Variants in KIF20A observed in about 807,000 individuals in gnomAD.
KIF20A encodes the protein kinesin family member 20A.
KIF20A carries 66 observed loss-of-function variants against 113.0 expected under a neutral mutation model. The observed-to-expected ratio is 0.58, with a 90% CI of 0.48 to 0.72. The LOEUF is 0.72. Among genes scored for constraint, KIF20A ranks in the 30% least tolerant of loss-of-function variants. The probability of loss-of-function intolerance (pLI) is 0.00; values close to 1 mark genes in which losing one functional copy is unlikely to be tolerated. For synonymous variants in KIF20A, 376 were observed against 402.3 expected (o/e 0.93, Z 0.78); for missense variants, 927 against 1,077.6 (o/e 0.86, Z 1.96).
rs367612363 is a variant in KIF20A, at chr5:138,184,933, G to A, written c.1810G>A (p.Glu604Lys). The A allele has an allele frequency of 3.0e-5, 49 of 1,614,004 alleles. No individual in the cohort carries two copies. The African/African-American group carries it at 5.7e-4, about 19-fold the overall frequency. The change falls in exon 14 of 19, where the codon GAA becomes AAA. Residue 604 changes from glutamate to lysine, a missense_variant. Coordinates refer to ENST00000394894, the MANE Select transcript of KIF20A (RefSeq NM_005733.3). ...NEMVEQMQQR[E>K]QWCSEHLDTQ... ...GATGGTAGAACAGATGCAACAGCGG[G>A]AACAGTGGTGCAGGTACTAGCTGAG...
intron 17 of KIF20A, 100 bp from the exon 18 acceptor site, chr5:138,186,194 C>T (rs550507224): frequency 6.6e-7 from 1 of 1,521,106 alleles, no homozygotes; most frequent in African/African-American, 1.4e-5. Flanking sequence ...GCTGACTAGC[C>T]TTTCTAATTT....
Position 138,183,682 on chromosome 5 carries a change from T to C in KIF20A, c.1140-6T>C. The stretch of plus-strand genomic sequence containing the variant: ...GCAATGACTTTTTGTTTTTCTTAAC[T>C]TCCAGTCACAGCATCTTCTCAATCA... On this transcript the variant is annotated splice_polypyrimidine_tract_variant and splice_region_variant and intron_variant, in intron 9 of 18. Coordinates refer to ENST00000394894, the MANE Select transcript of KIF20A (RefSeq NM_005733.3). The surrounding 1 kb of genome is among the most constrained non-coding windows in gnomAD (Gnocchi z 5.2). 1.9e-6 allele frequency: 3 copies of C among 1,613,588 alleles called. No homozygotes were observed. Among genetic ancestry groups the C allele is most frequent in the Non-Finnish European group, 1.7e-6 (2 of 1,179,652 alleles).
Position 138,186,344 on chromosome 5 carries a change from AT to A in KIF20A, c.2269del (p.Ser757GlnfsTer19). On this transcript the variant is annotated frameshift_variant, in exon 18 of 19. Coordinates refer to ENST00000394894, the MANE Select transcript of KIF20A (RefSeq NM_005733.3). LOFTEE classifies it high-confidence loss of function. The stretch of plus-strand genomic sequence containing the variant: ...TTCAGAAACTTGGTGAGTCTCTCCA[AT>A]CAGCAGAGAGAGCTTGTTGCCACAG... Reference protein sequence around the residue: ...ELQKLGESLQSAERACCHSTG... With the variant: ...ELQKLGESLQXAERACCHSTG... 1 of 1,603,194 alleles carries A rather than the reference AT, an allele frequency of 6.2e-7. No homozygotes were observed. The highest frequency in any genetic ancestry group is 8.5e-7 in the Non-Finnish European group (1 of 1,177,644).
chr5:138,183,160 C>A lies in KIF20A; in HGVS notation c.833-9C>A. ...AGGTTGATGCCCTATACATTGGCTTCTTCTCCAGAAACAAGTCATCGATGG... is the reference window on the plus strand; with the variant it reads ...AGGTTGATGCCCTATACATTGGCTTATTCTCCAGAAACAAGTCATCGATGG... On this transcript the variant is annotated splice_polypyrimidine_tract_variant and intron_variant, in intron 7 of 18. Transcript: ENST00000394894. This position sits in a 1 kb window ranked among gnomAD's most constrained non-coding sequence, Gnocchi z 5.2. The A allele has an allele frequency of 6.2e-7, 1 of 1,613,616 alleles. No individual in the cohort carries two copies. The highest frequency in any genetic ancestry group is 1.1e-5 in the South Asian group (1 of 90,984).
rs1754742281 is a variant in KIF20A, at chr5:138,186,190, T to C, written c.2218-104T>C. 5 of 1,508,764 alleles carry C rather than the reference T, an allele frequency of 3.3e-6. No homozygotes were observed. The Admixed American group carries it at 7.8e-5, about 24-fold the overall frequency. 93.5% of individuals were successfully genotyped at this position (1,508,764 alleles called of 1,614,324 possible). A position where few individuals can be genotyped will look rare whatever the true frequency, so the allele number is the denominator to read the frequency against. On this transcript the variant is annotated intron_variant, in intron 17 of 18. Coordinates refer to ENST00000394894, the MANE Select transcript of KIF20A (RefSeq NM_005733.3). ...AGAGTGGCTATTTCACTCAGCTGAC[T>C]AGCCTTTCTAATTTTACTTCTCTTC...
At chr5:138,180,541 A>G (rs944208322) in intron 2 of KIF20A, among the ~76,000 whole-genome samples, 1 of 152,200 alleles carries the variant, frequency 6.6e-6, no homozygotes, top group African/African-American at 2.4e-5. Context: ...TTGTGCTCTT[A>G]TAGAGTTTCT....
Position 138,186,327 on chromosome 5 carries a change from C to T in KIF20A, c.2251C>T (p.Leu751Phe), listed in dbSNP as rs200327073. The T allele has an allele frequency of 1.2e-4, 194 of 1,598,438 alleles. 1 individual carries two copies. The highest frequency in any genetic ancestry group is 1.2e-4 in the Non-Finnish European group (143 of 1,176,626). Residue 751 changes from leucine to phenylalanine, a missense_variant, in exon 18 of 19, where the codon CTT (leucine) becomes TTT (phenylalanine). By Grantham distance (22) the Leu-to-Phe change is conservative. Transcript: ENST00000394894. ...GCTGTTGCGGACAGAGCTTCAGAAA[C>T]TTGGTGAGTCTCTCCAATCAGCAGA... is the stretch of plus-strand genomic sequence containing the variant. The part of the protein sequence containing the change: ...IRLLRTELQK[L>F]GESLQSAERA...
chr5:138,187,014 T>C, intron 18 of KIF20A, 82 bp from the exon 19 acceptor site: 2 of 988,562 alleles, frequency 2.0e-6, no homozygotes, highest in Admixed American at 2.7e-5. Flanking sequence ...TAGTAATGGA[T>C]GGTATGTATT....
chr5:138,180,501 A>G (rs1754639573), intron 2 of KIF20A, among the ~76,000 whole-genome samples: 1 of 152,198 alleles, frequency 6.6e-6, no homozygotes, highest in Non-Finnish European at 1.5e-5. Flanking sequence ...ACTAGGTCCT[A>G]TGCTAAACAT....
chr5:138,179,699 T>A lies in KIF20A; in HGVS notation c.19T>A (p.Ser7Thr). The change falls in exon 2 of 19, where the codon TCT (serine) becomes ACT (threonine). Residue 7 changes from serine (S) to threonine (T), a missense_variant. Physicochemically the swap from Ser to Thr is moderately conservative, Grantham distance 58. Coordinates refer to ENST00000394894, the MANE Select transcript of KIF20A (RefSeq NM_005733.3). ...TGCCGTCATGTCGCAAGGGATCCTT[T>A]CTCCGCCAGCGGGCTTGCTGTCCGA... MSQGIL[S>T]PPAGLLSDDD... 6.2e-7 allele frequency: 1 copy of A among 1,614,116 alleles called. No homozygotes were observed. The highest frequency in any genetic ancestry group is 1.1e-5 in the South Asian group (1 of 91,080).
intron 5 of KIF20A, 38 bp from the exon 6 acceptor site, chr5:138,182,548 G>A: frequency 3.7e-6 from 6 of 1,613,230 alleles, no homozygotes; most frequent in Non-Finnish European, 4.2e-6. Flanking sequence ...GGGGAGAAGG[G>A]CACTTGCCTC....
At chr5:138,184,752 G>C in intron 13 of KIF20A, 55 bp from the exon 14 acceptor site, 1 of 1,611,396 alleles carries the variant, frequency 6.2e-7, no homozygotes, top group South Asian at 1.1e-5. Flanking sequence ...AGGTGGGCTT[G>C]TGCCTTCTGA....
At chr5:138,185,918 A>C in intron 16 of KIF20A, 43 bp from the exon 17 acceptor site, 1 of 1,577,794 alleles carries the variant, frequency 6.3e-7, no homozygotes, top group Non-Finnish European at 8.7e-7. Flanking sequence ...TCCAAGGCTA[A>C]AAAAACCCCA....
intron 12 of KIF20A, 26 bp downstream of exon 12, chr5:138,184,430 G>A (rs1754710425): frequency 1.9e-6 from 3 of 1,613,676 alleles, no homozygotes; most frequent in African/African-American, 1.3e-5. Flanking sequence ...TGTGATGGGT[G>A]TGCGCACTTG....
Position 138,184,911 on chromosome 5 carries a change from G to A in KIF20A, c.1788G>A (p.Met596Ile). The change falls in exon 14 of 19, where the codon ATG (methionine) becomes ATA (isoleucine). Residue 596 changes from methionine to isoleucine, a missense_variant. By Grantham distance (10) the Met-to-Ile change is conservative. Transcript: ENST00000394894. Reference sequence around the variant, plus strand: ...TCCGAGATGAAATTTGCAATGAGATGGTAGAACAGATGCAACAGCGGGAAC... The same window carrying A: ...TCCGAGATGAAATTTGCAATGAGATAGTAGAACAGATGCAACAGCGGGAAC... ...MHLRDEICNE[M>I]VEQMQQREQW... 1 of 1,614,120 alleles carries A rather than the reference G, an allele frequency of 6.2e-7. No homozygotes were observed. Among genetic ancestry groups the A allele is most frequent in the South Asian group, 1.1e-5 (1 of 91,074 alleles).
intron 18 of KIF20A, 129 bp downstream of exon 18, chr5:138,186,560 G>A: frequency 2.0e-6 from 2 of 1,023,008 alleles, no homozygotes; most frequent in South Asian, 1.7e-5. Flanking sequence ...CAGTATATTT[G>A]CAAAATAAAA....
At chr5:138,180,758 C>T (rs549940189) in intron 2 of KIF20A, among the ~76,000 whole-genome samples, 2 of 152,158 alleles carry the variant, frequency 1.3e-5, no homozygotes, top group Non-Finnish European at 2.9e-5. Flanking sequence ...TCACTGCAAC[C>T]TCCGCCTCCC....
chr5:138,180,714 C>G (rs1045774563), intron 2 of KIF20A, among the ~76,000 whole-genome samples: 43 of 152,036 alleles, frequency 2.8e-4, no homozygotes, highest in African/African-American at 1.0e-3. Context: ...CTCGCTCTGT[C>G]CCCCAGGCTG....
chr5:138,179,777 T>A lies in KIF20A; in HGVS notation c.97T>A (p.Ser33Thr). The stretch of plus-strand genomic sequence containing the variant: ...TGAGTCCACAGCTGCAGATTTGGGG[T>A]CTGTGGTACGCAAGAACCTGCTATC... Reference protein sequence around the residue: ...MFESTAADLGSVVRKNLLSDC... With the variant: ...MFESTAADLGTVVRKNLLSDC... Residue 33 changes from serine (S) to threonine (T), a missense_variant, in exon 2 of 19, where the codon TCT becomes ACT. Transcript: ENST00000394894. 1.9e-6 allele frequency: 3 copies of A among 1,613,984 alleles called. No individual in the cohort carries two copies. The highest frequency in any genetic ancestry group is 2.5e-6 in the Non-Finnish European group (3 of 1,179,994).
Sources: allele counts gnomAD v4.1 joint callset (sites outside exome capture counted in the v4.1 genomes callset), GRCh38; gene constraint gnomAD v4.1.1; non-coding constraint Gnocchi (gnomAD v3.1); transcripts MANE v1.5; gene names NCBI Gene and HGNC (gene_info 2026-07-23, HGNC 2026-07-21).